Variants in ASZ1 observed in about 807,000 individuals in gnomAD.
ASZ1 encodes ankyrin repeat, SAM and basic leucine zipper domain containing 1, also known as ankyrin repeat, SAM and basic leucine zipper domain-containing protein 1.
In ASZ1, 67 loss-of-function variants were observed where a neutral mutation model predicts 61.8. That is an observed-to-expected ratio of 1.08 (90% CI 0.89 to 1.33). The LOEUF is 1.33. ASZ1 is among the 40% of genes most tolerant of loss of function. ASZ1 has a pLI of 0.00. For missense variants in ASZ1, 577 were observed against 554.5 expected (o/e 1.04, Z -0.41); for synonymous variants, 193 against 192.7 (o/e 1.00, Z -0.01).
chr7:117,377,346 T>A (rs549323676), intron 10 of ASZ1, among the ~76,000 whole-genome samples: 1 of 151,986 alleles, frequency 6.6e-6, no homozygotes, highest in Non-Finnish European at 1.5e-5. Flanking sequence ...GGCAACAAAG[T>A]GGAGACTCTG....
At position 117,385,740 on chromosome 7, in the gene ASZ1, A is replaced by G; in HGVS notation, c.510T>C (p.Ala170=). The change falls in exon 5 of 13, where the codon GCT becomes GCC. Residue 170 remains alanine, a synonymous_variant. Transcript: ENST00000284629. ...CCTGGGTATTAACTTCTGCTCCATG[A>G]GCAACAAGGAGAGCAACAACCTGGG... The part of the protein sequence containing the change: ...GHTQVVALLV[A]HGAEVNTQDE... The G allele has an allele frequency of 1.2e-6, 2 of 1,613,286 alleles. No homozygotes were observed. The highest frequency in any genetic ancestry group is 8.5e-7 in the Non-Finnish European group (1 of 1,179,382).
chr7:117,363,826 C>A (rs1024396233), intron 12 of ASZ1, 78 bp from the exon 13 acceptor site: 8 of 1,144,246 alleles, frequency 7.0e-6, no homozygotes, highest in East Asian at 5.8e-5. Context: ...TAAAAAATAT[C>A]ATAATATCCA....
intron 4 of ASZ1, among the ~76,000 whole-genome samples, chr7:117,392,849 T>TC (rs949676374): frequency 4.8e-5 from 5 of 103,448 alleles, no homozygotes; most frequent in African/African-American, 4.7e-4. Flanking sequence ...AAGATATATC[T>TC]TTTTTTTTTT....
chr7:117,396,697 C>A (rs1796581416), intron 4 of ASZ1, among the ~76,000 whole-genome samples: 1 of 152,084 alleles, frequency 6.6e-6, no homozygotes, highest in Non-Finnish European at 1.5e-5. Flanking sequence ...ATTTGTGTAT[C>A]CATGTTCATA....
chr7:117,410,658 A>G (rs1381308268), intron 4 of ASZ1, among the ~76,000 whole-genome samples: 2 of 151,580 alleles, frequency 1.3e-5, no homozygotes, highest in Non-Finnish European at 3.0e-5. Context: ...ACAATAAATT[A>G]TAAACTCATA....
intron 10 of ASZ1, among the ~76,000 whole-genome samples, chr7:117,374,008 CTAT>C (rs1486619927): frequency 6.6e-6 from 1 of 151,880 alleles, no homozygotes; most frequent in Admixed American, 6.6e-5. Flanking sequence ...TATTTAAGAG[CTAT>C]TATGTTATTC....
chr7:117,376,627 G>T (rs1159167860), intron 10 of ASZ1, among the ~76,000 whole-genome samples: 1 of 152,098 alleles, frequency 6.6e-6, no homozygotes. Context: ...GGTATGCAAG[G>T]TTGGCTCAAT....
intron 4 of ASZ1, among the ~76,000 whole-genome samples, chr7:117,395,658 T>C (rs1796563011): frequency 6.6e-6 from 1 of 152,160 alleles, no homozygotes; most frequent in Non-Finnish European, 1.5e-5. Context: ...AGTTTGCACA[T>C]TAGTTTTGTA....
chr7:117,381,183 T>A, intron 8 of ASZ1, 116 bp from the exon 9 acceptor site: 1 of 816,524 alleles, frequency 1.2e-6, no homozygotes, highest in East Asian at 2.5e-5. Flanking sequence ...TCCAATTTTC[T>A]AGAGGGGACA....
Position 117,380,062 on chromosome 7 carries a change from T to C in ASZ1, c.946-15A>G, listed in dbSNP as rs767280610. ...GTAATTCCATTCTAAGCAGAAATAA[T>C]TTTAAGGTACAGTAAGTTAGTTATA... On this transcript the variant is annotated splice_polypyrimidine_tract_variant and intron_variant, in intron 9 of 12. Transcript: ENST00000284629. The C allele has an allele frequency of 1.0e-5, 15 of 1,505,914 alleles. No individual in the cohort carries two copies. The highest frequency in any genetic ancestry group is 5.2e-5 in the Admixed American group (3 of 57,542). 93.3% of individuals were successfully genotyped at this position (1,505,914 alleles called of 1,614,324 possible). A position where few individuals can be genotyped will look rare whatever the true frequency, so the allele number is the denominator to read the frequency against.
intron 10 of ASZ1, among the ~76,000 whole-genome samples, chr7:117,375,158 C>T (rs558262284): frequency 5.3e-5 from 8 of 151,820 alleles, no homozygotes; most frequent in South Asian, 2.1e-4. Flanking sequence ...TAGGTTATTT[C>T]GGATTATAAA....
At chr7:117,416,759 G>A (rs149015312) in intron 4 of ASZ1, among the ~76,000 whole-genome samples, 88 of 152,260 alleles carry the variant, frequency 5.8e-4, no homozygotes, top group African/African-American at 2.1e-3. Context: ...TTAATTATGT[G>A]TATGTAAATT....
intron 4 of ASZ1, among the ~76,000 whole-genome samples, chr7:117,387,602 C>T (rs1051676893): frequency 4.6e-5 from 7 of 152,100 alleles, no homozygotes; most frequent in African/African-American, 1.4e-4. Context: ...TACAAGTCAC[C>T]GGCAGCTCCT....
intron 3 of ASZ1, among the ~76,000 whole-genome samples, 158 bp downstream of exon 3, chr7:117,422,079 G>T (rs1322985554): frequency 6.6e-6 from 1 of 152,112 alleles, no homozygotes; most frequent in Non-Finnish European, 1.5e-5. Flanking sequence ...TTCAGAATAT[G>T]TATGGTTTCT....
intron 4 of ASZ1, among the ~76,000 whole-genome samples, 167 bp downstream of exon 4, chr7:117,419,996 T>A (rs1478806711): frequency 6.6e-6 from 1 of 152,210 alleles, no homozygotes; most frequent in East Asian, 1.9e-4. Flanking sequence ...ACTTTCATGA[T>A]ATCCCCTTCC....
At chr7:117,426,788 C>A (rs776445169) in intron 2 of ASZ1, 48 bp downstream of exon 2, 7 of 1,474,706 alleles carry the variant, frequency 4.7e-6, no homozygotes, top group Admixed American at 4.4e-5. Flanking sequence ...AGAATCCTTG[C>A]GAACTTAAGA....
Position 117,368,672 on chromosome 7 carries a change from A to G in ASZ1, c.1101T>C (p.Cys367=). ...TCTGTACAGCTGTTATTAAATGGCC[A>G]CACTGTTTATTTAATTTGAGAAGAA... ...LNFLLKLNKQ[C]GHLITAVQNV... The change falls in exon 11 of 13, where the codon TGT becomes TGC. Residue 367 remains cysteine (C), a synonymous_variant. Coordinates refer to ENST00000284629, the MANE Select transcript of ASZ1 (RefSeq NM_130768.3). 6.2e-7 allele frequency: 1 copy of G among 1,612,954 alleles called. No individual in the cohort carries two copies. Among genetic ancestry groups the G allele is most frequent in the Non-Finnish European group, 8.5e-7 (1 of 1,179,440 alleles).
intron 4 of ASZ1, among the ~76,000 whole-genome samples, chr7:117,395,137 G>A (rs981785998): frequency 6.6e-6 from 1 of 152,198 alleles, no homozygotes; most frequent in Non-Finnish European, 1.5e-5. Context: ...CAGTAATGCA[G>A]ATTTTAGGTA....
intron 2 of ASZ1, among the ~76,000 whole-genome samples, chr7:117,422,564 C>G (rs1405462216): frequency 6.6e-6 from 1 of 152,144 alleles, no homozygotes; most frequent in African/African-American, 2.4e-5. Flanking sequence ...ACTACAGGCA[C>G]TATGTTCCGA....
Sources: gnomAD v4.1 joint callset for allele counts (sites outside exome capture counted in the v4.1 genomes callset) on GRCh38, gnomAD v4.1.1 for gene constraint, MANE v1.5 for transcripts, NCBI Gene and HGNC (gene_info 2026-07-23, HGNC 2026-07-21) for gene names.